PEBP4: variants seen among roughly 807,000 people sequenced by gnomAD.
PEBP4 encodes the protein phosphatidylethanolamine binding protein 4.
In PEBP4, 22 loss-of-function variants were observed where a neutral mutation model predicts 23.9. The observed-to-expected ratio is 0.92, with a 90% CI of 0.66 to 1.31. The LOEUF is 1.31. Among genes scored for constraint, PEBP4 ranks in the 40% most tolerant of loss-of-function variants. The pLI is 0.00. For synonymous variants in PEBP4, 112 were observed against 99.3 expected, an observed-to-expected ratio of 1.13 and a Z score of -0.76; for missense variants, 324 against 281.7, an observed-to-expected ratio of 1.15 and a Z score of -1.07.
At chr8:22,746,984 C>T (rs529168708) in intron 4 of PEBP4, among the ~76,000 whole-genome samples, 9 of 152,126 alleles carry the variant, frequency 5.9e-5, no homozygotes, top group African/African-American at 2.2e-4. Flanking sequence ...TACCACCACA[C>T]CCAGCTAATT....
chr8:22,845,820 C>T (rs11135681), intron 3 of PEBP4, among the ~76,000 whole-genome samples: 79,499 of 152,182 alleles, frequency 0.52, 22,301 homozygotes, highest in South Asian at 0.71. Flanking sequence ...CTGATCAGAT[C>T]GCAGGCTCAT....
chr8:22,881,858 C>T (rs920062092), intron 3 of PEBP4, among the ~76,000 whole-genome samples: 1 of 152,222 alleles, frequency 6.6e-6, no homozygotes, highest in Non-Finnish European at 1.5e-5. Flanking sequence ...CTTAACCTCT[C>T]CACACCTAAG....
Position 22,713,287 on chromosome 8 carries a change from G to A in PEBP4, c.*83C>T. ...TTTTTTTTTATTTGGAAAAGAAGGG[G>A]TTCTGTATCCAGAGGGGGTTCCATA... On this transcript the variant is annotated 3_prime_UTR_variant, in exon 7 of 7. Coordinates refer to ENST00000256404, the MANE Select transcript of PEBP4 (RefSeq NM_144962.3). The A allele has an allele frequency of 6.8e-7, 1 of 1,474,240 alleles. No homozygotes were observed. Among genetic ancestry groups the A allele is most frequent in the Non-Finnish European group, 9.0e-7 (1 of 1,112,604 alleles). The allele number at this position is 1,474,240 out of a possible 1,614,324, so 91.3% of individuals were successfully genotyped here.
In PEBP4 at chr8:22,905,341, C is replaced by T. The variant is rs935714041; in HGVS notation, c.258+14843G>A. On this transcript the variant is annotated intron_variant, in intron 3 of 6. Coordinates refer to ENST00000256404, the MANE Select transcript of PEBP4 (RefSeq NM_144962.3). Reference sequence around the variant, plus strand: ...TGCTGATTTATAAGAGCCCTTTATGCATAAAGATAATAATGCTTTGCATAT... The same window carrying T: ...TGCTGATTTATAAGAGCCCTTTATGTATAAAGATAATAATGCTTTGCATAT... Among the ~76,000 whole-genome samples the T allele has an allele frequency of 4.0e-5, 6 of 150,942 alleles. 1 individual carries two copies. In the South Asian group the frequency reaches 1.3e-3, roughly 32 times the overall value.
chr8:22,836,344 G>A (rs562613128), intron 3 of PEBP4, among the ~76,000 whole-genome samples: 2 of 152,266 alleles, frequency 1.3e-5, no homozygotes, highest in African/African-American at 4.8e-5. Context: ...CTGCTCAGAG[G>A]GTAGAGGGAC....
At chr8:22,778,851 T>C (rs929573667) in intron 4 of PEBP4, among the ~76,000 whole-genome samples, 1 of 152,128 alleles carries the variant, frequency 6.6e-6, no homozygotes, top group African/African-American at 2.4e-5. Context: ...GTAAGTAAAG[T>C]CTTCAGCCAG....
At chr8:22,905,554 G>C (rs191381687) in intron 3 of PEBP4, among the ~76,000 whole-genome samples, 8 of 152,278 alleles carry the variant, frequency 5.3e-5, no homozygotes, top group Non-Finnish European at 1.0e-4. Flanking sequence ...GAATGTTGTT[G>C]TTCTAGTTAT....
chr8:22,889,923 A>G (rs1808458410), intron 3 of PEBP4, among the ~76,000 whole-genome samples: 1 of 152,204 alleles, frequency 6.6e-6, no homozygotes. Context: ...ACTTGCTCCA[A>G]ATTGATGCAA....
chr8:22,732,544 A>G lies in PEBP4; in HGVS notation c.358-5324T>C, dbSNP rs538661845. Among the ~76,000 whole-genome samples, 14 of 152,318 alleles carry G rather than the reference A, an allele frequency of 9.2e-5. 1 individual carries two copies. In the South Asian group the frequency reaches 2.9e-3, roughly 32 times the overall value. On this transcript the variant is annotated intron_variant, in intron 4 of 6. Transcript: ENST00000256404. Reference sequence around the variant, plus strand: ...TGTAACAAACCTGCACATCCTGCACATGTACCCCGGAACTTAAATAAAATA... The same window carrying G: ...TGTAACAAACCTGCACATCCTGCACGTGTACCCCGGAACTTAAATAAAATA...
intron 3 of PEBP4, among the ~76,000 whole-genome samples, chr8:22,870,854 A>G (rs1454113889): frequency 1.3e-5 from 2 of 152,184 alleles, no homozygotes; most frequent in Non-Finnish European, 2.9e-5. Context: ...ACCTATCCAG[A>G]GAAGCCCTTG....
intron 5 of PEBP4, among the ~76,000 whole-genome samples, chr8:22,725,167 A>T (rs749746830): frequency 6.6e-6 from 1 of 151,538 alleles, no homozygotes; most frequent in Non-Finnish European, 1.5e-5. Context: ...GTGGGGGAGG[A>T]GGTGGTCCAA....
intron 3 of PEBP4, among the ~76,000 whole-genome samples, chr8:22,904,172 T>C (rs1227153329): frequency 6.6e-6 from 1 of 152,120 alleles, no homozygotes; most frequent in African/African-American, 2.4e-5. Context: ...AGCAGGCTGC[T>C]TCCCGGCTCC....
chr8:22,795,163 A>ATATATATATATATTTTTTTTT (rs1563218555), intron 4 of PEBP4, among the ~76,000 whole-genome samples: 1 of 47,346 alleles, frequency 2.1e-5, no homozygotes, highest in African/African-American at 1.0e-4. Flanking sequence ...ATATATATAT[A>ATATATATATATATTTTTTTTT]TTTTTTTTTT....
chr8:22,924,704 G>A, intron 2 of PEBP4: 2 of 985,366 alleles, frequency 2.0e-6, no homozygotes, highest in Non-Finnish European at 2.4e-6. Flanking sequence ...TGACTGGATG[G>A]CAGCAGCAGG....
At chr8:22,805,412 C>T (rs1051813419) in intron 4 of PEBP4, among the ~76,000 whole-genome samples, 4 of 152,224 alleles carry the variant, frequency 2.6e-5, no homozygotes, top group Non-Finnish European at 2.9e-5. Flanking sequence ...CCACAACCTC[C>T]GTCTCCCGGG....
intron 3 of PEBP4, among the ~76,000 whole-genome samples, chr8:22,904,942 CT>C (rs1289217187): frequency 6.6e-5 from 10 of 152,220 alleles, no homozygotes; most frequent in Non-Finnish European, 1.0e-4. Flanking sequence ...AATGAACATC[CT>C]TTTACATAAA....
chr8:22,862,594 T>C (rs1028167677), intron 3 of PEBP4, among the ~76,000 whole-genome samples: 5 of 152,226 alleles, frequency 3.3e-5, no homozygotes, highest in South Asian at 2.1e-4. Flanking sequence ...TTATTGAGCA[T>C]TTATTAGGTA....
At chr8:22,784,813 G>A (rs909826757) in intron 4 of PEBP4, among the ~76,000 whole-genome samples, 7 of 152,152 alleles carry the variant, frequency 4.6e-5, no homozygotes, top group Admixed American at 1.3e-4. Flanking sequence ...TTCACTCGCC[G>A]CTTTGGGGAG....
chr8:22,842,223 C>T (rs538004232), intron 3 of PEBP4, among the ~76,000 whole-genome samples: 1 of 152,314 alleles, frequency 6.6e-6, no homozygotes, highest in African/African-American at 2.4e-5. Flanking sequence ...ATACAAATTG[C>T]TCTTTAAAAC....
Sources: gnomAD v4.1 joint callset for allele counts (sites outside exome capture counted in the v4.1 genomes callset) on GRCh38, gnomAD v4.1.1 for gene constraint, MANE v1.5 for transcripts, NCBI Gene and HGNC (gene_info 2026-07-23, HGNC 2026-07-21) for gene names.